PDZD9: variants seen among roughly 807,000 people sequenced by gnomAD.
The protein encoded by PDZD9 is PDZ domain containing 9.
In PDZD9, 13 loss-of-function variants were observed where a neutral mutation model predicts 16.3. The observed-to-expected ratio is 0.80, with a 90% CI of 0.52 to 1.27. PDZD9 has a LOEUF of 1.27. Ranked by LOEUF, PDZD9 falls within the 50% of genes most tolerant of loss-of-function variation. PDZD9 has a pLI of 0.00. For missense variants in PDZD9, 288 were observed against 310.9 expected (o/e 0.93, Z 0.55); for synonymous variants, 120 against 111.0 (o/e 1.08, Z -0.51).
At chr16:21,973,416 T>C in the PDZD9 span, among the ~76,000 whole-genome samples, 1 of 152,218 alleles carries the variant, frequency 6.6e-6, no homozygotes, top group African/African-American at 2.4e-5. Flanking sequence ...ATTCAGAGGT[T>C]AAACTCTTGA....
the PDZD9 span, chr16:21,962,182 T>C: frequency 2.5e-6 from 1 of 404,048 alleles, no homozygotes; most frequent in South Asian, 3.4e-5. Flanking sequence ...TATTTGTCCC[T>C]TTGTGACTGG....
intron 1 of PDZD9, among the ~76,000 whole-genome samples, chr16:21,996,893 G>A (rs1012139771): frequency 6.6e-6 from 1 of 152,160 alleles, no homozygotes; most frequent in Admixed American, 6.5e-5. Flanking sequence ...CATTATCAGG[G>A]CTCACTGCAG....
chr16:21,970,560 CT>C, the PDZD9 span, among the ~76,000 whole-genome samples: 1 of 151,990 alleles, frequency 6.6e-6, no homozygotes, highest in African/African-American at 2.4e-5. Flanking sequence ...TTTTCATGTG[CT>C]TTTTGTCCAT....
the PDZD9 span, among the ~76,000 whole-genome samples, chr16:21,964,751 A>G: frequency 2.0e-5 from 3 of 152,168 alleles, no homozygotes; most frequent in African/African-American, 7.2e-5. Context: ...TTGCACCCAT[A>G]ATACTTTATT....
the PDZD9 span, among the ~76,000 whole-genome samples, chr16:21,958,045 A>G: frequency 1.3e-5 from 2 of 152,210 alleles, no homozygotes; most frequent in Non-Finnish European, 2.9e-5. Context: ...AGACCTTATT[A>G]CCAAATAAAG....
the PDZD9 span, chr16:21,971,539 GTTCTAAAGCAAGTTGC>G: frequency 6.2e-7 from 1 of 1,614,088 alleles, no homozygotes; most frequent in Non-Finnish European, 8.5e-7. Context: ...GAGTCATCCT[GTTCTAAAGCAAGTTGC>G]TGAACAGTTT....
chr16:21,982,534 T>G (rs1454895449), downstream of PDZD9, among the ~76,000 whole-genome samples: 1 of 152,218 alleles, frequency 6.6e-6, no homozygotes, highest in Non-Finnish European at 1.5e-5. Context: ...AGTGTTGCTC[T>G]TGCTTGGTTC....
chr16:21,984,641 G>T lies in PDZD9; in HGVS notation c.421C>A (p.Leu141Met). 6.6e-7 allele frequency: 1 copy of T among 1,509,478 alleles called. No homozygotes were observed. The highest frequency in any genetic ancestry group is 1.4e-5 in the South Asian group (1 of 71,844). The allele number at this position is 1,509,478 out of a possible 1,614,324, so 93.5% of individuals were successfully genotyped here. Residue 141 changes from leucine to methionine, a missense_variant, in exon 4 of 4, where the codon CTG becomes ATG. Physicochemically the swap from Leu to Met is conservative, Grantham distance 15. Transcript: ENST00000424898. ...CTTGTGAAAGATTCATCTTTTGCCA[G>T]CTCAATTTTCTTTGGTGTGCTGAAA... ...PVTSTPKKIELAKDESFTSSD... is the reference protein window; with the variant it reads ...PVTSTPKKIEMAKDESFTSSD...
chr16:21,993,045 A>G (rs955938357), intron 2 of PDZD9, among the ~76,000 whole-genome samples: 10 of 152,040 alleles, frequency 6.6e-5, no homozygotes, highest in African/African-American at 2.4e-4. Flanking sequence ...TTCCTCTTCC[A>G]CTATGATTGT....
chr16:21,985,734 T>TC (rs1898862191), intron 3 of PDZD9, among the ~76,000 whole-genome samples: 1 of 152,222 alleles, frequency 6.6e-6, no homozygotes, highest in African/African-American at 2.4e-5. Flanking sequence ...TGTTAAGACT[T>TC]CTGGTGTTAT....
Position 21,988,623 on chromosome 16 carries a change from T to G in PDZD9, c.380A>C (p.Glu127Ala). The G allele has an allele frequency of 6.2e-7, 1 of 1,611,190 alleles. No individual in the cohort carries two copies. Among genetic ancestry groups the G allele is most frequent in the East Asian group, 2.2e-5 (1 of 44,848 alleles). ...TTACCTTGTTACTGGGAATTTGGCCTCAGGGATTAAATCATATATTTCTTG... is the reference window on the plus strand; with the variant it reads ...TTACCTTGTTACTGGGAATTTGGCCGCAGGGATTAAATCATATATTTCTTG... ...EWQEIYDLIP[E>A]AKFPVTSTPK... The change falls in exon 3 of 4, where the codon GAG becomes GCG. Residue 127 changes from glutamate (E) to alanine (A), a missense_variant. Glu to Ala is a moderately radical substitution (Grantham distance 107). Coordinates refer to ENST00000424898, the MANE Select transcript of PDZD9 (RefSeq NM_001363519.1).
chr16:21,975,117 T>C, the PDZD9 span, among the ~76,000 whole-genome samples: 1 of 152,118 alleles, frequency 6.6e-6, no homozygotes, highest in Admixed American at 6.5e-5. Flanking sequence ...AGGAGGTAGG[T>C]ATTAGGGTTA....
intron 2 of PDZD9, among the ~76,000 whole-genome samples, chr16:21,991,709 G>C (rs1320908631): frequency 6.6e-6 from 1 of 152,110 alleles, no homozygotes; most frequent in Non-Finnish European, 1.5e-5. Context: ...AAAGATAATG[G>C]GGCTGGGAGG....
chr16:21,997,787 A>G (rs1899187898), intron 1 of PDZD9, among the ~76,000 whole-genome samples: 1 of 152,200 alleles, frequency 6.6e-6, no homozygotes, highest in Admixed American at 6.5e-5. Flanking sequence ...GGTACACAGG[A>G]AGCTCCTGGG....
At chr16:21,959,132 G>GTAA in the PDZD9 span, among the ~76,000 whole-genome samples, 1 of 152,156 alleles carries the variant, frequency 6.6e-6, no homozygotes, top group Non-Finnish European at 1.5e-5. Flanking sequence ...GAAGGTGGTG[G>GTAA]TGACTGATAA....
At chr16:21,958,422 G>A in the PDZD9 span, 62 of 918,040 alleles carry the variant, frequency 6.8e-5, no homozygotes, top group Non-Finnish European at 3.1e-5. Context: ...AAAGGATGCA[G>A]GAATTTAGTA....
intron 2 of PDZD9, among the ~76,000 whole-genome samples, chr16:21,992,126 G>C (rs566085143): frequency 6.6e-6 from 1 of 152,264 alleles, no homozygotes; most frequent in African/African-American, 2.4e-5. Flanking sequence ...CACTTTGGGA[G>C]ACTGAGGCAG....
At chr16:21,980,345 G>C, downstream of PDZD9, 1 of 593,122 alleles carries the variant, frequency 1.7e-6, no homozygotes, top group South Asian at 2.5e-5. Flanking sequence ...ACCCTGAAGA[G>C]ACTTCTTCCC....
chr16:21,975,019 A>G, the PDZD9 span, among the ~76,000 whole-genome samples: 1 of 152,072 alleles, frequency 6.6e-6, no homozygotes, highest in African/African-American at 2.4e-5. Flanking sequence ...TATCCTTGAA[A>G]TCAGCGACCA....
Sources: gnomAD v4.1 joint callset for allele counts (sites outside exome capture counted in the v4.1 genomes callset) on GRCh38, gnomAD v4.1.1 for gene constraint, MANE v1.5 for transcripts, NCBI Gene and HGNC (gene_info 2026-07-23, HGNC 2026-07-21) for gene names.